Variants in LRP12 observed in about 807,000 individuals in gnomAD.
LRP12 encodes the protein low-density lipoprotein receptor-related protein 12.
Under a neutral mutation model 66.0 loss-of-function variants are expected in LRP12, and 14 were observed. The ratio of observed to expected loss-of-function variants is 0.21; its 90% CI spans 0.14 to 0.33. LRP12 has a LOEUF of 0.33. Among genes scored for constraint, LRP12 ranks in the 10% least tolerant of loss-of-function variants. The pLI is 1.00. For missense variants in LRP12, 889 were observed against 1,053.4 expected (o/e 0.84, Z 2.16); for synonymous variants, 357 against 359.1 (o/e 0.99, Z 0.07).
chr8:104,525,103 T>C (rs1174617473), intron 2 of LRP12, among the ~76,000 whole-genome samples: 2 of 152,096 alleles, frequency 1.3e-5, no homozygotes, highest in Non-Finnish European at 2.9e-5. Context: ...CTCTCTCATG[T>C]ATGCAATTAA....
intron 1 of LRP12, among the ~76,000 whole-genome samples, chr8:104,547,157 A>T (rs1811581480): frequency 1.4e-5 from 2 of 144,220 alleles, no homozygotes; most frequent in African/African-American, 5.0e-5. Context: ...TCTATGTTAT[A>T]TCATACTTTG....
chr8:104,548,389 AT>A lies in LRP12; in HGVS notation c.80-16427del, dbSNP rs1484699752. Among the ~76,000 whole-genome samples, 3 of 84,202 alleles carry A rather than the reference AT, an allele frequency of 3.6e-5. No homozygotes were observed. The Admixed American group carries it at 5.6e-4, about 16-fold the overall frequency. The allele number at this position is 84,202 out of a possible 152,430, so 55.2% of individuals were successfully genotyped here. ...TATAAATATATTATATAAATATATAATATATATTATATAAATATATGATATA... is the reference window on the plus strand; with the variant it reads ...TATAAATATATTATATAAATATATAAATATATTATATAAATATATGATATA... On this transcript the variant is annotated intron_variant, in intron 1 of 6. Transcript: ENST00000276654.
chr8:104,490,861 G>C lies in LRP12; in HGVS notation c.2392C>G (p.Leu798Val). Residue 798 changes from leucine to valine, a missense_variant, in exon 7 of 7, where the codon CTT becomes GTT. Leu to Val is a conservative substitution (Grantham distance 32). Coordinates refer to ENST00000276654, the MANE Select transcript of LRP12 (RefSeq NM_013437.5). ...AGCCCTTGTCCTTGATCTGAGGCAA[G>C]ATCAAGAAGAGGTCTGGAGCAGTCA... is the stretch of plus-strand genomic sequence containing the variant. ...VNDCSRPLLD[L>V]ASDQGQGLRQ... 1 of 1,614,100 alleles carries C rather than the reference G, an allele frequency of 6.2e-7. No individual in the cohort carries two copies.
chr8:104,581,108 A>T (rs60616186), intron 1 of LRP12, among the ~76,000 whole-genome samples: 2,568 of 152,314 alleles, frequency 0.017, 72 homozygotes, highest in African/African-American at 0.058. Flanking sequence ...TAGTCATAAA[A>T]AAGAACAAGA....
At chr8:104,573,181 C>T (rs7016642) in intron 1 of LRP12, among the ~76,000 whole-genome samples, 8,888 of 152,228 alleles carry the variant, frequency 0.058, 726 homozygotes, top group African/African-American at 0.19. Flanking sequence ...AATACTTTTA[C>T]ATACAAGTAA....
At chr8:104,523,353 A>T (rs1365562923) in intron 2 of LRP12, among the ~76,000 whole-genome samples, 1 of 152,224 alleles carries the variant, frequency 6.6e-6, no homozygotes, top group Non-Finnish European at 1.5e-5. Context: ...AAGAGTTAGA[A>T]TTTATCAAAA....
intron 2 of LRP12, among the ~76,000 whole-genome samples, chr8:104,521,458 T>C (rs761539700): frequency 5.9e-5 from 9 of 151,398 alleles, no homozygotes; most frequent in Non-Finnish European, 8.9e-5. Flanking sequence ...GATTCAATTA[T>C]AGAGTATATA....
intron 1 of LRP12, among the ~76,000 whole-genome samples, chr8:104,585,849 T>A (rs1364759656): frequency 6.6e-6 from 1 of 152,158 alleles, no homozygotes; most frequent in Admixed American, 6.5e-5. Context: ...ATTACCAAAT[T>A]GTGGTTTAGG....
At chr8:104,582,223 T>A (rs1032954766) in intron 1 of LRP12, among the ~76,000 whole-genome samples, 3 of 152,164 alleles carry the variant, frequency 2.0e-5, no homozygotes, top group Non-Finnish European at 4.4e-5. Flanking sequence ...TGACAAAACA[T>A]GAGCATAAAA....
chr8:104,563,040 TA>T (rs1338916390), intron 1 of LRP12, among the ~76,000 whole-genome samples: 33 of 152,298 alleles, frequency 2.2e-4, no homozygotes, highest in African/African-American at 7.9e-4. Context: ...AGTACAACTA[TA>T]AAAGAACAAT....
At chr8:104,540,707 A>G (rs1811463162) in intron 1 of LRP12, among the ~76,000 whole-genome samples, 1 of 152,158 alleles carries the variant, frequency 6.6e-6, no homozygotes, top group South Asian at 2.1e-4. Flanking sequence ...TTTTAATGAA[A>G]AGATACATTA....
intron 2 of LRP12, among the ~76,000 whole-genome samples, chr8:104,520,542 T>C (rs1811131199): frequency 1.3e-5 from 2 of 152,074 alleles, no homozygotes; most frequent in Admixed American, 1.3e-4. Context: ...ACATCTTCTA[T>C]GAGTGTTCCA....
In LRP12 at chr8:104,555,860, A is replaced by G. The variant is rs530472476; in HGVS notation, c.80-23897T>C. ...TCCACCCAACAACTGTAGAATATAC[A>G]TTCTATTCATCAGCACATGAACAGT... On this transcript the variant is annotated intron_variant, in intron 1 of 6. Coordinates refer to ENST00000276654, the MANE Select transcript of LRP12 (RefSeq NM_013437.5). Among the ~76,000 whole-genome samples, 215 of 152,316 alleles carry G rather than the reference A, an allele frequency of 1.4e-3. 2 individuals carry two copies. Among genetic ancestry groups the G allele is most frequent in the African/African-American group, 5.0e-3 (206 of 41,562 alleles).
At chr8:104,587,168 A>G (rs932104439) in intron 1 of LRP12, among the ~76,000 whole-genome samples, 1 of 152,220 alleles carries the variant, frequency 6.6e-6, no homozygotes, top group African/African-American at 2.4e-5. Flanking sequence ...TTATTTATCT[A>G]TTCTGATCGG....
At chr8:104,502,501 C>G (rs1044018593) in intron 3 of LRP12, among the ~76,000 whole-genome samples, 1 of 152,168 alleles carries the variant, frequency 6.6e-6, no homozygotes, top group African/African-American at 2.4e-5. Context: ...CAGTTACTGT[C>G]CCATCCTCAA....
At chr8:104,580,137 T>G (rs1000495346) in intron 1 of LRP12, among the ~76,000 whole-genome samples, 1 of 152,122 alleles carries the variant, frequency 6.6e-6, no homozygotes, top group Non-Finnish European at 1.5e-5. Context: ...ACAGAGTGAA[T>G]AGGCTACCTA....
chr8:104,571,474 G>A (rs191912829), intron 1 of LRP12, among the ~76,000 whole-genome samples: 3 of 152,246 alleles, frequency 2.0e-5, no homozygotes, highest in Non-Finnish European at 2.9e-5. Flanking sequence ...TGATGTTCTC[G>A]TAATTGTGAG....
intron 1 of LRP12, among the ~76,000 whole-genome samples, chr8:104,563,056 T>C (rs927233020): frequency 6.6e-6 from 1 of 152,176 alleles, no homozygotes; most frequent in Non-Finnish European, 1.5e-5. Context: ...AACAATATAG[T>C]GTAATGGTTA....
intron 2 of LRP12, among the ~76,000 whole-genome samples, chr8:104,521,716 C>G (rs1183968625): frequency 6.6e-6 from 1 of 151,404 alleles, no homozygotes; most frequent in African/African-American, 2.4e-5. Context: ...TTTTTATATT[C>G]TGAAATCCTA....
Sources: allele counts gnomAD v4.1 joint callset (sites outside exome capture counted in the v4.1 genomes callset), GRCh38; gene constraint gnomAD v4.1.1; transcripts MANE v1.5; gene names NCBI Gene and HGNC (gene_info 2026-07-23, HGNC 2026-07-21).